The following TMC1 variants were observed in gnomAD, a reference collection of about 807,000 sequenced individuals.
TMC1 encodes the protein transmembrane channel like 1.
In TMC1, 84 loss-of-function variants were observed where a neutral mutation model predicts 105.8. That is an observed-to-expected ratio of 0.79 (90% CI 0.67 to 0.95). The LOEUF (loss-of-function observed/expected upper bound fraction) is 0.95. Ranked by LOEUF, TMC1 falls within the 40% of genes least tolerant of loss-of-function variation. The pLI, the probability that TMC1 is intolerant of heterozygous loss-of-function variation, is 0.00. For synonymous variants in TMC1, 315 were observed against 311.5 expected (o/e 1.01, Z -0.12); for missense variants, 817 against 914.1 (o/e 0.89, Z 1.37).
chr9:72,800,106 A>G (rs1421985585), intron 17 of TMC1, among the ~76,000 whole-genome samples: 1 of 152,188 alleles, frequency 6.6e-6, no homozygotes, highest in African/African-American at 2.4e-5. Context: ...AAGAAGATAA[A>G]TTTGCATTGT....
intron 1 of TMC1, among the ~76,000 whole-genome samples, chr9:72,553,697 A>G (rs1000830816): frequency 2.6e-5 from 4 of 152,198 alleles, no homozygotes; most frequent in Non-Finnish European, 5.9e-5. Flanking sequence ...AAGTGGACAA[A>G]TCAATGTATA....
chr9:72,692,055 C>G (rs1826473610), intron 6 of TMC1, among the ~76,000 whole-genome samples: 1 of 152,132 alleles, frequency 6.6e-6, no homozygotes, highest in Admixed American at 6.5e-5. Flanking sequence ...TTTTTCTCCC[C>G]AGAGAGGTGC....
chr9:72,711,378 C>T (rs976872422), intron 8 of TMC1, among the ~76,000 whole-genome samples: 1 of 152,160 alleles, frequency 6.6e-6, no homozygotes, highest in Non-Finnish European at 1.5e-5. Flanking sequence ...CTTTAGACTC[C>T]CACCAACAGT....
chr9:72,671,402 C>G (rs368121828), intron 5 of TMC1, among the ~76,000 whole-genome samples: 3 of 152,190 alleles, frequency 2.0e-5, no homozygotes, highest in Non-Finnish European at 4.4e-5. Flanking sequence ...CAAATTCATA[C>G]AGCTTAAAAT....
At chr9:72,643,565 T>G (rs892439833) in intron 4 of TMC1, among the ~76,000 whole-genome samples, 3 of 152,230 alleles carry the variant, frequency 2.0e-5, no homozygotes, top group African/African-American at 7.2e-5. Flanking sequence ...CTCTTTTTTT[T>G]GTCTGGCTTC....
chr9:72,731,024 C>T (rs1827204796), intron 8 of TMC1, among the ~76,000 whole-genome samples: 1 of 152,222 alleles, frequency 6.6e-6, no homozygotes, highest in Admixed American at 6.5e-5. Flanking sequence ...GGCCTGGTTC[C>T]TGACAATCAT....
Position 72,604,071 on chromosome 9 carries a change from G to C in TMC1, c.-305-12297G>C, listed in dbSNP as rs900775214. Among the ~76,000 whole-genome samples, 5 of 151,744 alleles carry C rather than the reference G, an allele frequency of 3.3e-5. No individual in the cohort carries two copies. In the East Asian group the frequency reaches 9.6e-4, roughly 29 times the overall value. ...AGTAGAGATGGGATTTCACCATGTTGGTGTTGTATTTAGTTTTAACACTGT... is the reference window on the plus strand; with the variant it reads ...AGTAGAGATGGGATTTCACCATGTTCGTGTTGTATTTAGTTTTAACACTGT... On this transcript the variant is annotated intron_variant, in intron 2 of 23. Transcript: ENST00000297784.
At chr9:72,827,493 C>T (rs1186412242) in intron 21 of TMC1, among the ~76,000 whole-genome samples, 1 of 152,154 alleles carries the variant, frequency 6.6e-6, no homozygotes, top group African/African-American at 2.4e-5. Flanking sequence ...TAGAGGGCCG[C>T]CAATAACTGT....
chr9:72,754,699 G>T, intron 11 of TMC1, 87 bp from the exon 12 acceptor site: 1 of 1,027,578 alleles, frequency 9.7e-7, no homozygotes, highest in South Asian at 1.3e-5. Context: ...GTTTCAGAAG[G>T]GCTTTTAAAC....
intron 14 of TMC1, 66 bp from the exon 15 acceptor site, chr9:72,789,057 T>G: frequency 6.6e-7 from 1 of 1,516,798 alleles, no homozygotes; most frequent in Non-Finnish European, 9.1e-7. Flanking sequence ...GTTTTGATAC[T>G]TTTAAAATGT....
chr9:72,685,091 A>G (rs1431382176), intron 5 of TMC1, among the ~76,000 whole-genome samples: 1 of 148,732 alleles, frequency 6.7e-6, no homozygotes, highest in Non-Finnish European at 1.5e-5. Context: ...TTACTGTTAT[A>G]AAGTCATTCT....
At chr9:72,743,390 A>C (rs1047843912) in intron 10 of TMC1, among the ~76,000 whole-genome samples, 1 of 150,420 alleles carries the variant, frequency 6.6e-6, no homozygotes, top group Non-Finnish European at 1.5e-5. Flanking sequence ...AATAAAAAAA[A>C]TAAAAAATAA....
intron 13 of TMC1, among the ~76,000 whole-genome samples, chr9:72,785,299 T>C (rs1828151934): frequency 6.6e-6 from 1 of 152,082 alleles, no homozygotes. Flanking sequence ...TTTTCCACTT[T>C]AACTAAATTT....
intron 18 of TMC1, among the ~76,000 whole-genome samples, chr9:72,809,336 A>G (rs1828653057): frequency 6.6e-6 from 1 of 152,250 alleles, no homozygotes; most frequent in Non-Finnish European, 1.5e-5. Flanking sequence ...ACAGGAAAAA[A>G]GACAAGTTCC....
intron 5 of TMC1, among the ~76,000 whole-genome samples, chr9:72,658,455 T>A (rs1328215290): frequency 2.6e-5 from 4 of 152,144 alleles, no homozygotes; most frequent in African/African-American, 9.7e-5. Flanking sequence ...GACATACGGG[T>A]AGAGTTCCAT....
At chr9:72,806,258 G>T (rs1258146999) in intron 18 of TMC1, among the ~76,000 whole-genome samples, 1 of 150,230 alleles carries the variant, frequency 6.7e-6, no homozygotes, top group East Asian at 2.0e-4. Flanking sequence ...TGGGGCGGCT[G>T]GCCGGGCAGA....
At chr9:72,832,791 A>G (rs563613073) in intron 23 of TMC1, among the ~76,000 whole-genome samples, 2 of 152,060 alleles carry the variant, frequency 1.3e-5, no homozygotes, top group South Asian at 4.2e-4. Flanking sequence ...TTTTAATGAA[A>G]TTTTTAATTT....
chr9:72,522,154 GT>G (rs66973360), intron 1 of TMC1, among the ~76,000 whole-genome samples: 15 of 47,742 alleles, frequency 3.1e-4, no homozygotes, highest in South Asian at 1.2e-3. Context: ...TAATTGATAA[GT>G]TTTTTTTTTT....
chr9:72,674,028 T>C (rs1826164807), intron 5 of TMC1, among the ~76,000 whole-genome samples: 1 of 152,104 alleles, frequency 6.6e-6, no homozygotes, highest in Non-Finnish European at 1.5e-5. Context: ...TAAAATATCA[T>C]TTAAAATATC....
Sources: allele counts gnomAD v4.1 joint callset (sites outside exome capture counted in the v4.1 genomes callset), GRCh38; gene constraint gnomAD v4.1.1; transcripts MANE v1.5; gene names NCBI Gene and HGNC (gene_info 2026-07-23, HGNC 2026-07-21).